Variants in COL10A1 observed in about 807,000 individuals in gnomAD.
COL10A1 encodes the protein collagen type X alpha 1 chain.
COL10A1 carries 10 observed loss-of-function variants against 18.2 expected under a neutral mutation model. The observed-to-expected ratio is 0.55, with a 90% CI of 0.34 to 0.93. The LOEUF (loss-of-function observed/expected upper bound fraction) is 0.93. COL10A1 is among the 40% of genes least tolerant of loss of function. COL10A1 has a pLI of 0.02. For synonymous variants in COL10A1, 330 were observed against 316.6 expected, an observed-to-expected ratio of 1.04 and a Z score of -0.45; for missense variants, 897 against 853.5, an observed-to-expected ratio of 1.05 and a Z score of -0.64.
intron 1 of COL10A1, among the ~76,000 whole-genome samples, chr6:116,135,370 A>G (rs994767045): frequency 4.6e-5 from 7 of 152,128 alleles, no homozygotes; most frequent in Admixed American, 3.3e-4. Flanking sequence ...AGTAAGTACT[A>G]GAAAATGATA....
the COL10A1 span, among the ~76,000 whole-genome samples, chr6:116,183,218 G>C: frequency 6.6e-6 from 1 of 152,040 alleles, no homozygotes; most frequent in Non-Finnish European, 1.5e-5. Flanking sequence ...TCTCTATTCT[G>C]TTCCATTGGT....
At chr6:116,140,653 T>C (rs974228186) in intron 1 of COL10A1, among the ~76,000 whole-genome samples, 1 of 152,160 alleles carries the variant, frequency 6.6e-6, no homozygotes, top group Admixed American at 6.5e-5. Context: ...TCTGTCCTTC[T>C]AGAAAGTATA....
At chr6:116,143,576 A>G (rs1582831389) in intron 1 of COL10A1, among the ~76,000 whole-genome samples, 1 of 152,266 alleles carries the variant, frequency 6.6e-6, no homozygotes, top group African/African-American at 2.4e-5. Context: ...ACTTTTTTTA[A>G]TCCTATGAAA....
At chr6:116,204,022 GA>G in the COL10A1 span, among the ~76,000 whole-genome samples, 2 of 151,454 alleles carry the variant, frequency 1.3e-5, no homozygotes, top group Non-Finnish European at 3.0e-5. Context: ...TAGACCCGCT[GA>G]AAAAAAACCC....
chr6:116,125,818 A>C (rs888119842), intron 1 of COL10A1: 8 of 229,214 alleles, frequency 3.5e-5, no homozygotes, highest in African/African-American at 9.4e-5. Flanking sequence ...TGAAATATCT[A>C]ATAGTTTCAA....
At chr6:116,187,533 C>G in the COL10A1 span, among the ~76,000 whole-genome samples, 4 of 152,066 alleles carry the variant, frequency 2.6e-5, no homozygotes, top group Non-Finnish European at 5.9e-5. Context: ...ACTAGAAGAT[C>G]ACTGAACCGG....
rs1286962327 is a variant in COL10A1 at position 116,121,364 on chromosome 6, G to A, written c.752C>T (p.Pro251Leu). The A allele has an allele frequency of 2.5e-6, 4 of 1,613,858 alleles. No individual in the cohort carries two copies. The highest frequency in any genetic ancestry group is 1.3e-5 in the African/African-American group (1 of 74,852). Residue 251 changes from proline to leucine, a missense_variant, in exon 3 of 3, where the codon CCC becomes CTC. Physicochemically the swap from Pro to Leu is moderately conservative, Grantham distance 98. Transcript: ENST00000651968. ...GEMGPIGPPG[P>L]QGPPGERGPE... ...CCCTCGTTCCCCAGGAGGGCCTTGG[G>A]GACCTGGTGGGCCAATTGGTCCCAT...
the COL10A1 span, among the ~76,000 whole-genome samples, chr6:116,165,439 T>G: frequency 6.6e-6 from 1 of 152,260 alleles, no homozygotes; most frequent in Admixed American, 6.5e-5. Context: ...TCCAAATTGC[T>G]TACTTTTTCT....
the COL10A1 span, among the ~76,000 whole-genome samples, chr6:116,189,353 T>C: frequency 6.6e-6 from 1 of 151,954 alleles, no homozygotes; most frequent in Non-Finnish European, 1.5e-5. Flanking sequence ...GACTTACATA[T>C]AGTTCCAGTA....
chr6:116,178,310 C>T, the COL10A1 span, among the ~76,000 whole-genome samples: 6 of 152,244 alleles, frequency 3.9e-5, no homozygotes, highest in African/African-American at 9.6e-5. Context: ...TGACATTGGG[C>T]GCATTCAGGG....
At chr6:116,177,359 C>T in the COL10A1 span, among the ~76,000 whole-genome samples, 11 of 152,084 alleles carry the variant, frequency 7.2e-5, no homozygotes, top group Non-Finnish European at 1.2e-4. Context: ...AAGACAGGCA[C>T]CACTATAAAA....
the COL10A1 span, among the ~76,000 whole-genome samples, chr6:116,177,705 A>G: frequency 6.6e-6 from 1 of 152,196 alleles, no homozygotes; most frequent in Non-Finnish European, 1.5e-5. Context: ...CAGCTCTCTT[A>G]AAGTTTATTA....
chr6:116,191,611 T>C, the COL10A1 span, among the ~76,000 whole-genome samples: 114 of 152,184 alleles, frequency 7.5e-4, 1 homozygote, highest in East Asian at 0.019. Flanking sequence ...CCACCAATTA[T>C]ATGAAATGTA....
the COL10A1 span, among the ~76,000 whole-genome samples, chr6:116,165,708 G>T: frequency 2.6e-5 from 4 of 152,156 alleles, no homozygotes; most frequent in African/African-American, 7.2e-5. Flanking sequence ...TCCCAAGGGG[G>T]TTCTTAGTGG....
the COL10A1 span, among the ~76,000 whole-genome samples, chr6:116,206,100 A>T: frequency 1.3e-5 from 2 of 151,956 alleles, no homozygotes; most frequent in African/African-American, 4.8e-5. Context: ...GGGTTTTTTC[A>T]TAGCATATGT....
the COL10A1 span, among the ~76,000 whole-genome samples, chr6:116,211,321 C>G: frequency 6.6e-6 from 1 of 151,976 alleles, no homozygotes; most frequent in African/African-American, 2.4e-5. Flanking sequence ...CCCTCAGAAT[C>G]AGGAGATGAT....
the COL10A1 span, among the ~76,000 whole-genome samples, chr6:116,169,019 A>C: frequency 6.6e-6 from 1 of 152,046 alleles, no homozygotes; most frequent in Non-Finnish European, 1.5e-5. Flanking sequence ...ATTAGCCTCT[A>C]CCTAACCTTG....
At chr6:116,123,294 C>G (rs1340284989) in intron 2 of COL10A1, among the ~76,000 whole-genome samples, 1 of 152,078 alleles carries the variant, frequency 6.6e-6, no homozygotes, top group Non-Finnish European at 1.5e-5. Context: ...GAATGTTGTC[C>G]TAATGGGTCT....
At chr6:116,137,795 A>C (rs1230688455) in intron 1 of COL10A1, among the ~76,000 whole-genome samples, 1 of 152,214 alleles carries the variant, frequency 6.6e-6, no homozygotes, top group African/African-American at 2.4e-5. Flanking sequence ...GAAAATGCCC[A>C]GCTTGGCCGG....
Sources: gnomAD v4.1 joint callset for allele counts (sites outside exome capture counted in the v4.1 genomes callset) on GRCh38, gnomAD v4.1.1 for gene constraint, MANE v1.5 for transcripts, NCBI Gene and HGNC (gene_info 2026-07-23, HGNC 2026-07-21) for gene names.